Variants in DGKB observed in about 807,000 individuals in gnomAD.
DGKB encodes diacylglycerol kinase beta.
A neutral mutation model predicts 114.3 loss-of-function variants in DGKB; 67 were observed. The ratio of observed to expected loss-of-function variants is 0.59; its 90% confidence interval spans 0.48 to 0.72. DGKB has a LOEUF of 0.72. DGKB is among the 30% of genes least tolerant of loss of function. DGKB has a pLI of 0.00. For synonymous variants in DGKB, 398 were observed against 323.1 expected, an observed-to-expected ratio of 1.23 and a Z score of -2.49; for missense variants, 907 against 975.2, an observed-to-expected ratio of 0.93 and a Z score of 0.93.
At chr7:14,910,260 AAGAAAGAAAG>A (rs1783922154) in intron 1 of DGKB, among the ~76,000 whole-genome samples, 1 of 78,964 alleles carries the variant, frequency 1.3e-5, no homozygotes, top group Non-Finnish European at 2.7e-5. Flanking sequence ...GAAAGAAAGA[AAGAAAGAAAG>A]AAAGAAAGAA....
At chr7:14,763,229 C>G (rs1174503763) in intron 2 of DGKB, among the ~76,000 whole-genome samples, 3 of 151,998 alleles carry the variant, frequency 2.0e-5, no homozygotes, top group Admixed American at 2.0e-4. Flanking sequence ...GTTTATCTGT[C>G]AACTTATCCA....
intron 1 of DGKB, among the ~76,000 whole-genome samples, chr7:14,967,689 A>C (rs1336353003): frequency 6.6e-6 from 1 of 150,996 alleles, no homozygotes; most frequent in Non-Finnish European, 1.5e-5. Flanking sequence ...TTTCATAATT[A>C]AAAACAAAAC....
At chr7:14,699,980 T>G (rs915645089) in intron 7 of DGKB, among the ~76,000 whole-genome samples, 7 of 151,970 alleles carry the variant, frequency 4.6e-5, no homozygotes, top group Non-Finnish European at 1.0e-4. Context: ...AGAATCATCA[T>G]TTTAATTTAA....
intron 1 of DGKB, chr7:14,974,657 A>G (rs926238198): frequency 2.6e-5 from 4 of 152,152 alleles, no homozygotes; most frequent in African/African-American, 9.6e-5. Context: ...AACTGATCAA[A>G]AAGTTAAAGC....
intron 23 of DGKB, among the ~76,000 whole-genome samples, chr7:14,231,503 T>C (rs1202216236): frequency 6.6e-6 from 1 of 152,030 alleles, no homozygotes; most frequent in African/African-American, 2.4e-5. Context: ...GAAAGAGATA[T>C]ATCAGAAAAT....
chr7:14,678,186 T>A (rs1443454967), intron 12 of DGKB, among the ~76,000 whole-genome samples: 32 of 152,032 alleles, frequency 2.1e-4, no homozygotes, highest in Non-Finnish European at 4.4e-5. Flanking sequence ...CAGTACTTTG[T>A]CAAGAACTTC....
intron 25 of DGKB, among the ~76,000 whole-genome samples, chr7:14,165,174 T>C (rs1333175001): frequency 6.6e-6 from 1 of 152,156 alleles, no homozygotes; most frequent in African/African-American, 2.4e-5. Context: ...TCAGACTACA[T>C]TGAATTTCTG....
At chr7:14,270,102 G>A (rs1468776815) in intron 23 of DGKB, among the ~76,000 whole-genome samples, 1 of 141,246 alleles carries the variant, frequency 7.1e-6, no homozygotes, top group African/African-American at 2.6e-5. Context: ...TGCACTTCAC[G>A]ATAAGGGAGT....
At chr7:14,923,565 T>C (rs1784609465) in intron 1 of DGKB, among the ~76,000 whole-genome samples, 1 of 152,242 alleles carries the variant, frequency 6.6e-6, no homozygotes, top group Non-Finnish European at 1.5e-5. Context: ...TTTTCTGTAT[T>C]GTAGTTCAAA....
At chr7:14,971,294 T>A (rs1787451320) in intron 1 of DGKB, among the ~76,000 whole-genome samples, 1 of 152,190 alleles carries the variant, frequency 6.6e-6, no homozygotes, top group African/African-American at 2.4e-5. Flanking sequence ...TATTTCGAAG[T>A]GCCCCTGTGT....
intron 21 of DGKB, among the ~76,000 whole-genome samples, chr7:14,477,700 T>A (rs1250197456): frequency 3.3e-5 from 5 of 152,164 alleles, no homozygotes; most frequent in African/African-American, 1.2e-4. Context: ...ATAATTTATA[T>A]TGGTATTGAT....
intron 13 of DGKB, 22 bp from the exon 14 acceptor site, chr7:14,630,290 T>C (rs1353730394): frequency 5.2e-6 from 8 of 1,543,772 alleles, no homozygotes; most frequent in Non-Finnish European, 7.0e-6. Context: ...GAGAAGTTCA[T>C]ATGAAAGCTG....
intron 21 of DGKB, among the ~76,000 whole-genome samples, chr7:14,346,215 C>T (rs1812449741): frequency 1.3e-5 from 2 of 151,716 alleles, no homozygotes; most frequent in Non-Finnish European, 1.5e-5. Flanking sequence ...CTGCTTCTTA[C>T]ATTAGAATGT....
intron 19 of DGKB, among the ~76,000 whole-genome samples, chr7:14,578,070 T>C (rs1799423643): frequency 6.6e-6 from 1 of 152,194 alleles, no homozygotes; most frequent in Non-Finnish European, 1.5e-5. Context: ...GGTTGTTTCC[T>C]CCATGCAGTT....
At chr7:14,972,214 C>T (rs921083959) in intron 1 of DGKB, among the ~76,000 whole-genome samples, 2 of 152,016 alleles carry the variant, frequency 1.3e-5, no homozygotes, top group Admixed American at 1.3e-4. Context: ...CTTAATGTAT[C>T]ATCATACTAT....
At chr7:14,658,854 A>G (rs1167837846) in intron 13 of DGKB, among the ~76,000 whole-genome samples, 2 of 151,904 alleles carry the variant, frequency 1.3e-5, no homozygotes, top group Non-Finnish European at 1.5e-5. Context: ...CTTTCTGTGA[A>G]CTAACAAGCT....
chr7:14,550,885 G>T (rs1049210233), intron 20 of DGKB, among the ~76,000 whole-genome samples: 1 of 152,060 alleles, frequency 6.6e-6, no homozygotes, highest in Non-Finnish European at 1.5e-5. Flanking sequence ...ATTTAAAAAA[G>T]ACTTTGATCA....
At position 14,288,298 on chromosome 7, in the gene DGKB, T is replaced by C. The variant is rs868799199; in HGVS notation, c.2122+50217A>G. On this transcript the variant is annotated intron_variant, in intron 23 of 25. Coordinates refer to ENST00000402815, the MANE Select transcript of DGKB (RefSeq NM_001350709.2). Reference sequence around the variant, plus strand: ...ACAAACTACCCTGAGTTTTTTTTTTTTTTTTTTACTGATATAGCTCTATAC... The same window carrying C: ...ACAAACTACCCTGAGTTTTTTTTTTCTTTTTTTACTGATATAGCTCTATAC... 1.3e-3 allele frequency among the ~76,000 whole-genome samples: 196 copies of C among 148,994 alleles called. 1 individual carries two copies. The highest frequency in any genetic ancestry group is 3.4e-3 in the Middle Eastern group (1 of 290).
chr7:14,397,043 G>C (rs1184022030), intron 21 of DGKB, among the ~76,000 whole-genome samples: 1 of 150,598 alleles, frequency 6.6e-6, no homozygotes, highest in African/African-American at 2.4e-5. Flanking sequence ...AGCTTTCTGG[G>C]AGAGAGAGAG....
Sources: gnomAD v4.1 joint callset for allele counts (sites outside exome capture counted in the v4.1 genomes callset) on GRCh38, gnomAD v4.1.1 for gene constraint, MANE v1.5 for transcripts, NCBI Gene and HGNC (gene_info 2026-07-23, HGNC 2026-07-21) for gene names.